PRODH2: variants seen among roughly 807,000 people sequenced by gnomAD.
PRODH2 encodes the protein proline dehydrogenase 2.
In PRODH2, 49 loss-of-function variants were observed where a neutral mutation model predicts 51.9. That is an observed-to-expected ratio of 0.94 (90% CI 0.75 to 1.20). The LOEUF (loss-of-function observed/expected upper bound fraction) is 1.20. Ranked by LOEUF, PRODH2 falls within the 50% of genes most tolerant of loss-of-function variation. PRODH2 has a pLI of 0.00. For synonymous variants in PRODH2, 249 were observed against 260.7 expected, an observed-to-expected ratio of 0.96 and a Z score of 0.43; for missense variants, 597 against 610.9, an observed-to-expected ratio of 0.98 and a Z score of 0.24.
intron 2 of PRODH2, 38 bp downstream of exon 2, chr19:35,812,322 G>A (rs372073926): frequency 3.6e-5 from 58 of 1,610,142 alleles, no homozygotes; most frequent in South Asian, 2.0e-4. Context: ...CCCTTCCTGC[G>A]TCCTCCCAGC....
chr19:35,804,142 CA>C (rs1194940359), intron 7 of PRODH2, among the ~76,000 whole-genome samples: 2 of 152,310 alleles, frequency 1.3e-5, no homozygotes, highest in Admixed American at 1.3e-4. Flanking sequence ...GCATAGGGGT[CA>C]AAATAGCTTC....
At chr19:35,801,390 T>C (rs1017245389) in intron 9 of PRODH2, among the ~76,000 whole-genome samples, 1 of 152,040 alleles carries the variant, frequency 6.6e-6, no homozygotes, top group East Asian at 1.9e-4. Flanking sequence ...CGCTTGAACC[T>C]GGGAGGCAAA....
At position 35,807,141 on chromosome 19, in the gene PRODH2, G is replaced by A. The variant is rs367685591; in HGVS notation, c.598-20C>T. On this transcript the variant is annotated intron_variant, in intron 4 of 9. Coordinates refer to ENST00000653904, the MANE Select transcript of PRODH2 (RefSeq NM_021232.2). The stretch of plus-strand genomic sequence containing the variant: ...GAGGTTCTAGGGGGCAGCAGGGGAA[G>A]TGGGGAAAAGCTTATAAGTTGCTAG... 6 of 1,527,532 alleles carry A rather than the reference G, an allele frequency of 3.9e-6. No homozygotes were observed. Among genetic ancestry groups the A allele is most frequent in the Non-Finnish European group, 5.3e-6 (6 of 1,125,616 alleles). The allele number at this position is 1,527,532 out of a possible 1,614,324, so 94.6% of individuals were successfully genotyped here.
Position 35,812,612 on chromosome 19 carries a change from T to A in PRODH2, c.174+20A>T. Reference sequence around the variant, plus strand: ...AGGCTATGAGGAGCCTCCAGGCTGGTCCTCAGGATCACTGCTCACCAACAG... The same window carrying A: ...AGGCTATGAGGAGCCTCCAGGCTGGACCTCAGGATCACTGCTCACCAACAG... On this transcript the variant is annotated intron_variant, in intron 1 of 9. Coordinates refer to ENST00000653904, the MANE Select transcript of PRODH2 (RefSeq NM_021232.2). 1 of 1,595,816 alleles carries A rather than the reference T, an allele frequency of 6.3e-7. No individual in the cohort carries two copies. The highest frequency in any genetic ancestry group is 2.2e-5 in the East Asian group (1 of 44,622).
chr19:35,799,998 C>CAG lies in PRODH2; in HGVS notation c.*39_*40insCT. The stretch of plus-strand genomic sequence containing the variant: ...GTGCAGGACAGCAGCTTAGGCAGCA[C>CAG]CTAAGGACTTTTATTGACCACATGA... On this transcript the variant is annotated 3_prime_UTR_variant, in exon 10 of 10. Transcript: ENST00000653904. 1 of 1,573,082 alleles carries CAG rather than the reference C, an allele frequency of 6.4e-7. No individual in the cohort carries two copies. Among genetic ancestry groups the CAG allele is most frequent in the South Asian group, 1.2e-5 (1 of 85,834 alleles).
At chr19:35,811,277 G>T (rs1360307476) in intron 4 of PRODH2, among the ~76,000 whole-genome samples, 1 of 151,898 alleles carries the variant, frequency 6.6e-6, no homozygotes, top group African/African-American at 2.4e-5. Flanking sequence ...GGCAGGCTGG[G>T]TGTGGTGGCT....
chr19:35,811,932 G>T (rs1231908506), intron 4 of PRODH2, 30 bp downstream of exon 4: 1 of 1,606,780 alleles, frequency 6.2e-7, no homozygotes, highest in Non-Finnish European at 8.5e-7. Context: ...AAGGCACTCT[G>T]TCCCCGACAG....
At chr19:35,801,577 T>G (rs1176867205) in intron 9 of PRODH2, among the ~76,000 whole-genome samples, 2 of 152,134 alleles carry the variant, frequency 1.3e-5, no homozygotes, top group African/African-American at 2.4e-5. Context: ...TGCTATCTGA[T>G]GAATTCACAG....
At chr19:35,807,674 A>C (rs1972537535) in intron 4 of PRODH2, among the ~76,000 whole-genome samples, 1 of 152,034 alleles carries the variant, frequency 6.6e-6, no homozygotes, top group African/African-American at 2.4e-5. Flanking sequence ...TGTTTCCTTC[A>C]AGTATTTGCT....
chr19:35,801,963 A>G (rs1402519832), intron 9 of PRODH2: 2 of 556,370 alleles, frequency 3.6e-6, no homozygotes, highest in African/African-American at 3.7e-5. Context: ...GGAGCAGCAC[A>G]GTAAAGATAA....
rs1473944778 is a variant in PRODH2, at chr19:35,812,269, C to A, written c.375G>T (p.Glu125Asp). The A allele has an allele frequency of 6.2e-7, 1 of 1,613,258 alleles. No homozygotes were observed. The highest frequency in any genetic ancestry group is 8.5e-7 in the Non-Finnish European group (1 of 1,179,860). The change falls in exon 3 of 10, where the codon GAG (glutamate) becomes GAT (aspartate). Residue 125 changes from glutamate to aspartate, a missense_variant. Transcript: ENST00000653904. ...EEPDSAAKSG[E>D]AWYEGNLGAM... ...CACCGAGGTTCCCCTCATACCACGCCTCACTGCCCAGCCAGCAGGTGTCAG... is the reference window on the plus strand; with the variant it reads ...CACCGAGGTTCCCCTCATACCACGCATCACTGCCCAGCCAGCAGGTGTCAG...
At position 35,800,045 on chromosome 19, in the gene PRODH2, G is replaced by A. The variant is rs1420795538; in HGVS notation, c.1376C>T (p.Pro459Leu). Residue 459 changes from proline (P) to leucine (L), a missense_variant, in exon 10 of 10, where the codon CCC becomes CTC. Coordinates refer to ENST00000653904, the MANE Select transcript of PRODH2 (RefSeq NM_021232.2). ...ATGACCCCCTCAGGGGTGCTAGTGG[G>A]GTATCCTTCGGCATCCTGGCAGCAG... ...RRLLPGCRRI[P>L]H 3 of 1,610,690 alleles carry A rather than the reference G, an allele frequency of 1.9e-6. No homozygotes were observed. The highest frequency in any genetic ancestry group is 3.3e-5 in the Admixed American group (2 of 59,740).
intron 7 of PRODH2, 86 bp downstream of exon 7, chr19:35,806,344 A>G: frequency 6.5e-7 from 1 of 1,527,250 alleles, no homozygotes; most frequent in Admixed American, 1.7e-5. Context: ...TCAGCCTCCC[A>G]AAGCACTGGG....
intron 4 of PRODH2, among the ~76,000 whole-genome samples, chr19:35,808,794 T>G (rs1599822073): frequency 7.8e-6 from 1 of 129,024 alleles, no homozygotes; most frequent in African/African-American, 2.7e-5. Context: ...CCTCCTTCCC[T>G]CCCTTCCTTC....
chr19:35,806,527 G>C lies in PRODH2; in HGVS notation c.904C>G (p.Leu302Val), dbSNP rs370972390. The change falls in exon 7 of 10, where the codon CTG (leucine) becomes GTG (valine). Residue 302 changes from leucine (L) to valine (V), a missense_variant. Physicochemically the swap from Leu to Val is conservative, Grantham distance 32. Coordinates refer to ENST00000653904, the MANE Select transcript of PRODH2 (RefSeq NM_021232.2). Reference protein sequence around the residue: ...HRAGLAFGVKLVRGAYLDKER... With the variant: ...HRAGLAFGVKVVRGAYLDKER... ...TTGTCCAGATATGCACCTCGTACCA[G>C]CTTCACTCCGAAGGCCAGGCCGGCC... 3 of 1,614,016 alleles carry C rather than the reference G, an allele frequency of 1.9e-6. No homozygotes were observed. The highest frequency in any genetic ancestry group is 1.3e-5 in the African/African-American group (1 of 74,910).
At chr19:35,803,585 C>T (rs1316885775) in intron 7 of PRODH2, among the ~76,000 whole-genome samples, 2 of 152,274 alleles carry the variant, frequency 1.3e-5, no homozygotes, top group South Asian at 2.1e-4. Flanking sequence ...TGTGAGTTTC[C>T]GAGCAACACT....
intron 4 of PRODH2, among the ~76,000 whole-genome samples, chr19:35,808,772 TCTCC>T (rs977931396): frequency 2.0e-5 from 3 of 149,740 alleles, no homozygotes; most frequent in African/African-American, 7.4e-5. Context: ...TTCTCTCTTT[TCTCC>T]CTCCCTCCCT....
intron 4 of PRODH2, among the ~76,000 whole-genome samples, chr19:35,810,450 T>C (rs1483963443): frequency 2.0e-5 from 3 of 150,782 alleles, no homozygotes; most frequent in African/African-American, 4.9e-5. Flanking sequence ...GAATCAACTA[T>C]TGGAAACAGT....
chr19:35,805,664 C>T (rs1972499608), intron 7 of PRODH2, among the ~76,000 whole-genome samples: 1 of 152,224 alleles, frequency 6.6e-6, no homozygotes, highest in Non-Finnish European at 1.5e-5. Context: ...CCTGCCTCAG[C>T]CTCCCAAGTA....
Sources: allele counts gnomAD v4.1 joint callset (sites outside exome capture counted in the v4.1 genomes callset), GRCh38; gene constraint gnomAD v4.1.1; transcripts MANE v1.5; gene names NCBI Gene and HGNC (gene_info 2026-07-23, HGNC 2026-07-21).